Variants in PUM2 observed in about 807,000 individuals in gnomAD.
PUM2 encodes pumilio RNA binding family member 2.
A neutral mutation model predicts 124.5 loss-of-function variants in PUM2; 57 were observed. The observed-to-expected ratio is 0.46, with a 90% CI of 0.37 to 0.57. The LOEUF (loss-of-function observed/expected upper bound fraction) is 0.57. PUM2 is among the 20% of genes least tolerant of loss of function. PUM2 has a pLI of 0.00. For synonymous variants in PUM2, 460 were observed against 446.1 expected (o/e 1.03, Z -0.39); for missense variants, 1,065 against 1,290.6 (o/e 0.83, Z 2.68).
At chr2:20,336,459 A>G (rs1051520377) in intron 1 of PUM2, among the ~76,000 whole-genome samples, 8 of 151,908 alleles carry the variant, frequency 5.3e-5, no homozygotes, top group African/African-American at 1.9e-4. Context: ...AAATGCTAGC[A>G]TTACAGGAAT....
intron 1 of PUM2, among the ~76,000 whole-genome samples, chr2:20,340,843 C>T (rs926978789): frequency 1.3e-5 from 2 of 152,266 alleles, no homozygotes; most frequent in African/African-American, 2.4e-5. Context: ...AGGTTGGCCA[C>T]TAACTAGCTA....
intron 13 of PUM2, among the ~76,000 whole-genome samples, chr2:20,275,864 A>C (rs1286658908): frequency 6.6e-6 from 1 of 152,134 alleles, no homozygotes; most frequent in Non-Finnish European, 1.5e-5. Context: ...ACAATTACAC[A>C]TTAAGACATA....
chr2:20,336,269 C>G (rs1455819692), intron 1 of PUM2, among the ~76,000 whole-genome samples: 1 of 151,896 alleles, frequency 6.6e-6, no homozygotes. Flanking sequence ...CTCACTACAG[C>G]CTTGACCTCC....
chr2:20,318,700 T>C (rs1483551718), intron 2 of PUM2, 55 bp from the exon 3 acceptor site: 1 of 1,285,538 alleles, frequency 7.8e-7, no homozygotes, highest in Non-Finnish European at 1.1e-6. Flanking sequence ...AGAATTAATA[T>C]ATAAGAAGTC....
intron 3 of PUM2, 116 bp from the exon 4 acceptor site, chr2:20,312,539 T>A (rs1169173690): frequency 1.1e-6 from 1 of 952,356 alleles, no homozygotes; most frequent in Non-Finnish European, 1.6e-6. Context: ...TGAATGTTAT[T>A]ACTATAATCT....
At chr2:20,304,365 C>T (rs1264926280) in intron 7 of PUM2, among the ~76,000 whole-genome samples, 1 of 152,136 alleles carries the variant, frequency 6.6e-6, no homozygotes, top group Non-Finnish European at 1.5e-5. Context: ...TCTGTCTGGC[C>T]AAGTACATGG....
intron 13 of PUM2, 50 bp downstream of exon 13, chr2:20,278,533 A>T: frequency 7.2e-7 from 1 of 1,395,088 alleles, no homozygotes; most frequent in Non-Finnish European, 1.0e-6. Context: ...ACACACAAAC[A>T]CACATACATG....
At chr2:20,341,177 C>A (rs1358857551) in intron 1 of PUM2, among the ~76,000 whole-genome samples, 1 of 152,132 alleles carries the variant, frequency 6.6e-6, no homozygotes, top group Non-Finnish European at 1.5e-5. Flanking sequence ...CACAGCCCCC[C>A]TCTCCCTGCC....
At chr2:20,289,643 G>T (rs1021004113) in intron 10 of PUM2, among the ~76,000 whole-genome samples, 4 of 152,140 alleles carry the variant, frequency 2.6e-5, no homozygotes, top group African/African-American at 9.7e-5. Context: ...CAGACAAGAT[G>T]ATAAATTCAG....
chr2:20,347,821 C>T (rs958355234), intron 1 of PUM2, among the ~76,000 whole-genome samples: 1 of 152,166 alleles, frequency 6.6e-6, no homozygotes. Context: ...TGGACAACTA[C>T]TGTCCTCTGG....
chr2:20,314,464 AAATATAGT>A (rs1680401298), intron 3 of PUM2, among the ~76,000 whole-genome samples: 1 of 152,246 alleles, frequency 6.6e-6, no homozygotes, highest in African/African-American at 2.4e-5. Context: ...AATGGAATGC[AAATATAGT>A]AATACATTTG....
chr2:20,260,440 GCT>G lies in PUM2; in HGVS notation c.2250_2251del (p.Arg750SerfsTer5). The G allele has an allele frequency of 6.2e-7, 1 of 1,609,334 alleles. No individual in the cohort carries two copies. The highest frequency in any genetic ancestry group is 8.5e-7 in the Non-Finnish European group (1 of 1,176,196). ...TACCATCTGTCGCTCAGCTGGAGTA[GCT>G]CTCTCTAGTTTTTGCTGTATGAATC... is the stretch of plus-strand genomic sequence containing the variant. On this transcript the variant is annotated frameshift_variant, in exon 15 of 21. Coordinates refer to ENST00000361078, the MANE Select transcript of PUM2 (RefSeq NM_015317.5). LOFTEE classifies it high-confidence loss of function.
At chr2:20,307,195 G>A (rs971376711) in intron 7 of PUM2, among the ~76,000 whole-genome samples, 3 of 152,054 alleles carry the variant, frequency 2.0e-5, no homozygotes, top group African/African-American at 4.8e-5. Flanking sequence ...CAGCCTGGGT[G>A]AGAGTGAGAC....
chr2:20,275,775 G>C (rs76014876), intron 13 of PUM2, among the ~76,000 whole-genome samples: 1 of 151,798 alleles, frequency 6.6e-6, no homozygotes, highest in African/African-American at 2.4e-5. Flanking sequence ...CAATCAGCAA[G>C]GTCAAGAGTG....
chr2:20,251,684 G>T lies in PUM2; in HGVS notation c.3096C>A (p.Tyr1032Ter). 6.2e-7 allele frequency: 1 copy of T among 1,613,468 alleles called. No homozygotes were observed. Among genetic ancestry groups the T allele is most frequent in the Non-Finnish European group, 8.5e-7 (1 of 1,179,508 alleles). ...IRPHITTLRK[Y>*]TYGKHILAKL... is the part of the protein sequence containing the mutation. Reference sequence around the variant, plus strand: ...TGGCCAGTATATGCTTCCCGTATGTGTATTTGCGCAAAGTAGTAATGTGAG... The same window carrying T: ...TGGCCAGTATATGCTTCCCGTATGTTTATTTGCGCAAAGTAGTAATGTGAG... Residue 1032 changes from tyrosine (Y) to a stop codon, truncating the protein, a stop_gained, in exon 21 of 21, where the codon TAC (tyrosine) becomes TAA (stop). Coordinates refer to ENST00000361078, the MANE Select transcript of PUM2 (RefSeq NM_015317.5). LOFTEE classifies it high-confidence loss of function.
At chr2:20,315,694 C>T (rs963044275) in intron 3 of PUM2, among the ~76,000 whole-genome samples, 6 of 152,052 alleles carry the variant, frequency 3.9e-5, no homozygotes, top group Admixed American at 3.3e-4. Flanking sequence ...GGCATAGTGG[C>T]GCATACTTTT....
intron 7 of PUM2, among the ~76,000 whole-genome samples, chr2:20,302,361 T>C (rs1427140910): frequency 2.0e-5 from 3 of 152,190 alleles, no homozygotes; most frequent in Non-Finnish European, 4.4e-5. Context: ...GCCAACCTAA[T>C]AGGTAAATTA....
In PUM2 at chr2:20,283,032, T is replaced by C. The variant is rs1338806802; in HGVS notation, c.1635A>G (p.Gln545=). 2.5e-6 allele frequency: 4 copies of C among 1,614,108 alleles called. No homozygotes were observed. In the South Asian group the frequency reaches 3.3e-5, roughly 13 times the overall value. Reference sequence around the variant, plus strand: ...CAAAGCCAAGAGATGTACTTCCAGGTTGACCAGGTCCATGAGAAAATAAAG... The same window carrying C: ...CAAAGCCAAGAGATGTACTTCCAGGCTGACCAGGTCCATGAGAAAATAAAG... ...SSSLFSHGPG[Q]PGSTSLGFGS... The change falls in exon 12 of 21, where the codon CAA becomes CAG. Residue 545 remains glutamine, a synonymous_variant. Coordinates refer to ENST00000361078, the MANE Select transcript of PUM2 (RefSeq NM_015317.5).
At chr2:20,310,421 G>A (rs973019743) in intron 5 of PUM2, among the ~76,000 whole-genome samples, 1 of 151,682 alleles carries the variant, frequency 6.6e-6, no homozygotes, top group African/African-American at 2.4e-5. Context: ...TATAGTTAAT[G>A]GTGTATTAAC....
Sources: gnomAD v4.1 joint callset for allele counts (sites outside exome capture counted in the v4.1 genomes callset) on GRCh38, gnomAD v4.1.1 for gene constraint, MANE v1.5 for transcripts, NCBI Gene and HGNC (gene_info 2026-07-23, HGNC 2026-07-21) for gene names.